Variants in CREB5 observed in about 807,000 individuals in gnomAD.
CREB5 encodes the protein cyclic AMP-responsive element-binding protein 5.
Under a neutral mutation model 57.1 loss-of-function variants are expected in CREB5, and 19 were observed. The observed-to-expected ratio is 0.33, with a 90% CI of 0.23 to 0.49. The LOEUF (loss-of-function observed/expected upper bound fraction) is 0.49, where lower values mean the gene tolerates loss of function less well. Among genes scored for constraint, CREB5 ranks in the 20% least tolerant of loss-of-function variants. The probability of loss-of-function intolerance (pLI) is 0.99; values close to 1 mark genes in which losing one functional copy is unlikely to be tolerated. For missense variants in CREB5, 579 were observed against 671.6 expected (o/e 0.86, Z 1.52); for synonymous variants, 238 against 238.3 (o/e 1.00, Z 0.01).
At chr7:28,355,984 G>C (rs1786333125) in intron 1 of CREB5, among the ~76,000 whole-genome samples, 1 of 152,158 alleles carries the variant, frequency 6.6e-6, no homozygotes, top group Non-Finnish European at 1.5e-5. Context: ...AGCTGTGGCA[G>C]GTATAAAACA....
At chr7:28,511,015 C>T (rs1792679562) in intron 4 of CREB5, among the ~76,000 whole-genome samples, 1 of 151,930 alleles carries the variant, frequency 6.6e-6, no homozygotes, top group South Asian at 2.1e-4. Context: ...CAGGCACTGT[C>T]CAAGGCATTG....
chr7:28,533,716 TCTG>T (rs1793833807), intron 4 of CREB5, among the ~76,000 whole-genome samples: 1 of 152,202 alleles, frequency 6.6e-6, no homozygotes, highest in Non-Finnish European at 1.5e-5. Context: ...TGCCTCCTCT[TCTG>T]TTTTAAAGGA....
At chr7:28,650,512 A>T (rs893674610) in intron 5 of CREB5, among the ~76,000 whole-genome samples, 1 of 152,172 alleles carries the variant, frequency 6.6e-6, no homozygotes, top group Admixed American at 6.5e-5. Context: ...TCAATCACAC[A>T]GATCCAGATA....
In CREB5 at chr7:28,310,511, T is replaced by G. The variant is rs892488109; in HGVS notation, c.-25+11070T>G. On this transcript the variant is annotated intron_variant, in intron 1 of 9. Transcript: ENST00000396299. ...GAAGACAGAGATGGGTGGAGTGGAC[T>G]GGACAAAGTCTAACATTCTTTTCAA... 3.9e-5 allele frequency among the ~76,000 whole-genome samples: 6 copies of G among 152,368 alleles called. No individual in the cohort carries two copies. The East Asian group carries it at 7.7e-4, about 20-fold the overall frequency.
intron 1 of CREB5, among the ~76,000 whole-genome samples, chr7:28,340,152 A>G (rs1004196579): frequency 6.6e-6 from 1 of 152,120 alleles, no homozygotes; most frequent in African/African-American, 2.4e-5. Context: ...ACTCGTACCT[A>G]AGGTGCAAGA....
At chr7:28,576,643 G>A (rs886181910) in intron 5 of CREB5, among the ~76,000 whole-genome samples, 3 of 152,216 alleles carry the variant, frequency 2.0e-5, no homozygotes, top group Admixed American at 1.3e-4. Context: ...TGATGGCCCT[G>A]TCTCCAACAT....
intron 8 of CREB5, among the ~76,000 whole-genome samples, chr7:28,805,761 A>G (rs1583788394): frequency 6.6e-6 from 1 of 152,334 alleles, no homozygotes; most frequent in African/African-American, 2.4e-5. Context: ...GTGATTGTGA[A>G]CAGAAACAAC....
chr7:28,775,193 T>G (rs1806549091), intron 7 of CREB5, among the ~76,000 whole-genome samples: 1 of 152,200 alleles, frequency 6.6e-6, no homozygotes, highest in South Asian at 2.1e-4. Context: ...CATATTTTAT[T>G]TTCGTACACT....
chr7:28,552,650 A>T (rs529701693), intron 4 of CREB5, among the ~76,000 whole-genome samples: 1 of 152,256 alleles, frequency 6.6e-6, no homozygotes, highest in South Asian at 2.1e-4. Flanking sequence ...TTGTCTTATG[A>T]CTTTACTCAT....
intron 4 of CREB5, among the ~76,000 whole-genome samples, chr7:28,514,674 G>C (rs781628788): frequency 1.6e-4 from 25 of 152,204 alleles, no homozygotes; most frequent in Non-Finnish European, 3.1e-4. Flanking sequence ...GATTACAGGC[G>C]TGAGCCACCG....
At chr7:28,487,698 C>T (rs1791626586) in intron 1 of CREB5, among the ~76,000 whole-genome samples, 3 of 152,276 alleles carry the variant, frequency 2.0e-5, no homozygotes, top group South Asian at 4.2e-4. Flanking sequence ...TTGTGGGTGT[C>T]TCATTTCACC....
chr7:28,390,553 C>CT (rs1360557214), intron 1 of CREB5, among the ~76,000 whole-genome samples: 1 of 152,176 alleles, frequency 6.6e-6, no homozygotes, highest in Non-Finnish European at 1.5e-5. Flanking sequence ...AAACTTCTCC[C>CT]TTTATTACTT....
At chr7:28,405,107 G>T (rs1194443050) in intron 1 of CREB5, among the ~76,000 whole-genome samples, 1 of 152,136 alleles carries the variant, frequency 6.6e-6, no homozygotes, top group African/African-American at 2.4e-5. Flanking sequence ...TCACAGTTTT[G>T]GATGCATTTT....
At chr7:28,343,627 A>G (rs1342228355) in intron 1 of CREB5, among the ~76,000 whole-genome samples, 1 of 152,160 alleles carries the variant, frequency 6.6e-6, no homozygotes, top group Non-Finnish European at 1.5e-5. Flanking sequence ...TCATCTGTTG[A>G]TGAACACTTA....
At chr7:28,608,877 T>G (rs1688286828) in intron 5 of CREB5, among the ~76,000 whole-genome samples, 1 of 152,332 alleles carries the variant, frequency 6.6e-6, no homozygotes, top group Non-Finnish European at 1.5e-5. Context: ...ATCATGACAT[T>G]TCTTCTTAAA....
chr7:28,793,817 C>T (rs1807868950), intron 7 of CREB5, among the ~76,000 whole-genome samples: 1 of 152,238 alleles, frequency 6.6e-6, no homozygotes, highest in African/African-American at 2.4e-5. Context: ...CCAAGGACTA[C>T]TGTGCGTTGA....
At chr7:28,581,607 G>A (rs1032545495) in intron 5 of CREB5, among the ~76,000 whole-genome samples, 4 of 152,172 alleles carry the variant, frequency 2.6e-5, no homozygotes, top group African/African-American at 9.7e-5. Flanking sequence ...TGTAGCTCAA[G>A]TGGTTGAATC....
At chr7:28,714,938 G>A (rs1057471110) in intron 5 of CREB5, among the ~76,000 whole-genome samples, 5 of 152,188 alleles carry the variant, frequency 3.3e-5, no homozygotes, top group Non-Finnish European at 7.3e-5. Context: ...ATTAGCTCAT[G>A]GCAACAAGCC....
chr7:28,321,293 G>A (rs374479744), intron 1 of CREB5, among the ~76,000 whole-genome samples: 3 of 149,208 alleles, frequency 2.0e-5, no homozygotes, highest in East Asian at 2.0e-4. Context: ...CTTCCTCCTC[G>A]TCCTTCTTTA....
Sources: allele counts gnomAD v4.1 joint callset (sites outside exome capture counted in the v4.1 genomes callset), GRCh38; gene constraint gnomAD v4.1.1; transcripts MANE v1.5; gene names NCBI Gene and HGNC (gene_info 2026-07-23, HGNC 2026-07-21).